Variants in CACNA2D1 observed in about 807,000 individuals in gnomAD.
CACNA2D1 encodes the protein calcium voltage-gated channel auxiliary subunit alpha2delta 1.
CACNA2D1 carries 53 observed loss-of-function variants against 171.5 expected under a neutral mutation model. That is an observed-to-expected ratio of 0.31 (90% CI 0.25 to 0.39). The LOEUF (loss-of-function observed/expected upper bound fraction) is 0.39, where lower values mean the gene tolerates loss of function less well. Ranked by LOEUF, CACNA2D1 falls within the 10% of genes least tolerant of loss-of-function variation. The pLI is 1.00. For missense variants in CACNA2D1, 903 were observed against 1,299.8 expected, an observed-to-expected ratio of 0.69 and a Z score of 4.69; for synonymous variants, 442 against 443.1, an observed-to-expected ratio of 1.00 and a Z score of 0.03.
intron 4 of CACNA2D1, among the ~76,000 whole-genome samples, chr7:82,151,916 C>A (rs1017733735): frequency 2.0e-5 from 3 of 152,058 alleles, no homozygotes; most frequent in African/African-American, 7.2e-5. Flanking sequence ...AGACACAATT[C>A]CCTCTCTACA....
intron 1 of CACNA2D1, among the ~76,000 whole-genome samples, chr7:82,374,890 A>G (rs1822843243): frequency 6.6e-6 from 1 of 152,088 alleles, no homozygotes; most frequent in Non-Finnish European, 1.5e-5. Context: ...GTTTTCCCTT[A>G]TTAAAACCTA....
intron 4 of CACNA2D1, among the ~76,000 whole-genome samples, chr7:82,155,449 C>A (rs1435399801): frequency 6.6e-6 from 1 of 152,104 alleles, no homozygotes; most frequent in Non-Finnish European, 1.5e-5. Flanking sequence ...GTTACTTCCT[C>A]TAGAGCAAAT....
At chr7:82,290,410 G>T (rs557659086) in intron 3 of CACNA2D1, among the ~76,000 whole-genome samples, 1 of 152,022 alleles carries the variant, frequency 6.6e-6, no homozygotes, top group South Asian at 2.1e-4. Context: ...TAGACAAGAC[G>T]TAAGAGTCCA....
At chr7:82,315,086 G>A (rs910818334) in intron 3 of CACNA2D1, among the ~76,000 whole-genome samples, 5 of 150,510 alleles carry the variant, frequency 3.3e-5, no homozygotes, top group East Asian at 1.9e-4. Context: ...GCAGTGAGCC[G>A]AGATTGTGCC....
chr7:82,222,897 T>TC (rs1801933560), intron 3 of CACNA2D1, among the ~76,000 whole-genome samples: 1 of 150,160 alleles, frequency 6.7e-6, no homozygotes, highest in African/African-American at 2.4e-5. Context: ...TTTCTTTCTT[T>TC]CTTTTTTTTT....
chr7:82,399,578 A>C (rs1395289582), intron 1 of CACNA2D1, among the ~76,000 whole-genome samples: 1 of 152,100 alleles, frequency 6.6e-6, no homozygotes, highest in Non-Finnish European at 1.5e-5. Context: ...TTTCCCATTT[A>C]TAAACAAGCA....
At chr7:82,360,695 C>T (rs1820994460) in intron 1 of CACNA2D1, among the ~76,000 whole-genome samples, 1 of 152,134 alleles carries the variant, frequency 6.6e-6, no homozygotes, top group South Asian at 2.1e-4. Context: ...GAAAATATGA[C>T]TATTTCAGCT....
intron 31 of CACNA2D1, 23 bp downstream of exon 31, chr7:81,967,146 G>A (rs370284934): frequency 1.9e-6 from 3 of 1,577,384 alleles, no homozygotes; most frequent in African/African-American, 2.7e-5. Context: ...GTACTCAAAA[G>A]TGATTTTAAA....
chr7:82,151,537 A>G (rs1793856276), intron 4 of CACNA2D1, among the ~76,000 whole-genome samples: 1 of 152,172 alleles, frequency 6.6e-6, no homozygotes, highest in African/African-American at 2.4e-5. Context: ...TCAGAGCAGT[A>G]TAAATGAAGA....
intron 1 of CACNA2D1, among the ~76,000 whole-genome samples, chr7:82,354,394 T>C (rs1820196061): frequency 6.6e-6 from 1 of 152,072 alleles, no homozygotes; most frequent in Non-Finnish European, 1.5e-5. Flanking sequence ...AACATGAGAA[T>C]GTGGAAGTGG....
chr7:81,951,975 T>TTTTTTTTTTGTTGTTTTG (rs1792616152), intron 38 of CACNA2D1, among the ~76,000 whole-genome samples: 7 of 147,374 alleles, frequency 4.7e-5, no homozygotes, highest in Non-Finnish European at 1.5e-5. Flanking sequence ...AAGTGTTTTT[T>TTTTTTTTTTGTTGTTTTG]TTTTTTTTTT....
intron 3 of CACNA2D1, among the ~76,000 whole-genome samples, chr7:82,196,266 G>A (rs2129196120): frequency 6.6e-6 from 1 of 152,122 alleles, no homozygotes; most frequent in African/African-American, 2.4e-5. Context: ...CACTAGCTTT[G>A]GGGCCTAGCC....
At chr7:81,956,729 T>A (rs893080809) in intron 38 of CACNA2D1, among the ~76,000 whole-genome samples, 1 of 152,054 alleles carries the variant, frequency 6.6e-6, no homozygotes, top group Non-Finnish European at 1.5e-5. Flanking sequence ...CACATCTCCA[T>A]CTAGTGGCTT....
intron 1 of CACNA2D1, among the ~76,000 whole-genome samples, chr7:82,360,421 C>T (rs1004897254): frequency 6.6e-5 from 10 of 152,036 alleles, no homozygotes; most frequent in East Asian, 1.9e-4. Context: ...TTTTTCCTCA[C>T]GTTACATTTT....
intron 3 of CACNA2D1, among the ~76,000 whole-genome samples, chr7:82,196,721 C>T (rs1237368033): frequency 4.0e-5 from 6 of 151,426 alleles, no homozygotes; most frequent in African/African-American, 9.7e-5. Flanking sequence ...AAATAGACTC[C>T]GATTTATATT....
chr7:82,413,569 A>G (rs1487576382), intron 1 of CACNA2D1, among the ~76,000 whole-genome samples: 1 of 152,246 alleles, frequency 6.6e-6, no homozygotes, highest in Non-Finnish European at 1.5e-5. Context: ...ATTTGTTGAG[A>G]TATTACCATT....
chr7:82,327,284 A>G (rs1487168464), intron 3 of CACNA2D1, among the ~76,000 whole-genome samples: 2 of 152,236 alleles, frequency 1.3e-5, no homozygotes, highest in African/African-American at 4.8e-5. Flanking sequence ...TTGCAGCCAA[A>G]GGTTGCCCAG....
At position 82,005,747 on chromosome 7, in the gene CACNA2D1, G is replaced by C; in HGVS notation, c.1515+18C>G. 1 of 1,530,666 alleles carries C rather than the reference G, an allele frequency of 6.5e-7. No individual in the cohort carries two copies. The highest frequency in any genetic ancestry group is 1.1e-5 in the South Asian group (1 of 89,384). The allele number at this position is 1,530,666 out of a possible 1,614,324, so 94.8% of individuals were successfully genotyped here. On this transcript the variant is annotated intron_variant, in intron 17 of 38. Transcript: ENST00000356860. ...TTCTAAACTAGAAAGGGTATCAAAA[G>C]AGCAAATTTCATCTTACTGTAAAAC...
chr7:81,997,922 T>G (rs1315417557), intron 18 of CACNA2D1, among the ~76,000 whole-genome samples: 4 of 151,948 alleles, frequency 2.6e-5, no homozygotes, highest in Non-Finnish European at 5.9e-5. Flanking sequence ...TAATAACCCC[T>G]GGGTTCAATG....
Sources: gnomAD v4.1 joint callset for allele counts (sites outside exome capture counted in the v4.1 genomes callset) on GRCh38, gnomAD v4.1.1 for gene constraint, MANE v1.5 for transcripts, NCBI Gene and HGNC (gene_info 2026-07-23, HGNC 2026-07-21) for gene names.